Variants in C1QTNF5 observed in about 807,000 individuals in gnomAD.
The protein encoded by C1QTNF5 is C1q and TNF related 5, also known as complement C1q tumor necrosis factor-related protein 5.
In C1QTNF5, 5 loss-of-function variants were observed where a neutral mutation model predicts 10.9. The ratio of observed to expected loss-of-function variants is 0.46; its 90% confidence interval spans 0.24 to 0.97. The LOEUF is 0.97. Among genes scored for constraint, C1QTNF5 ranks in the 50% least tolerant of loss-of-function variants. C1QTNF5 has a pLI of 0.19. For missense variants in C1QTNF5, 281 were observed against 339.4 expected, an observed-to-expected ratio of 0.83 and a Z score of 1.35; for synonymous variants, 161 against 156.5, an observed-to-expected ratio of 1.03 and a Z score of -0.22.
At chr11:119,344,383 C>A, upstream of C1QTNF5, 1 of 1,613,830 alleles carries the variant, frequency 6.2e-7, no homozygotes, top group Non-Finnish European at 8.5e-7. Context: ...GTCAGATTCC[C>A]CCCACACCCT....
chr11:119,343,918 A>C, upstream of C1QTNF5: 1 of 1,613,374 alleles, frequency 6.2e-7, no homozygotes, highest in African/African-American at 1.3e-5. Context: ...GTGGAACTGT[A>C]GTTCTATGCT....
At chr11:119,341,314 G>A, upstream of C1QTNF5, 2 of 576,168 alleles carry the variant, frequency 3.5e-6, no homozygotes, top group African/African-American at 1.9e-5. Flanking sequence ...TCGATTGTCC[G>A]GTGGCACAGT....
upstream of C1QTNF5, chr11:119,343,693 C>G (rs992892799): frequency 1.6e-6 from 2 of 1,248,868 alleles, no homozygotes; most frequent in Admixed American, 3.4e-5. Context: ...GTGAAGAGAC[C>G]CCCGGCCTGG....
At position 119,339,839 on chromosome 11, in the gene C1QTNF5, C is replaced by T; in HGVS notation, c.224G>A (p.Gly75Glu). 6.7e-7 allele frequency: 1 copy of T among 1,493,458 alleles called. No homozygotes were observed. Among genetic ancestry groups the T allele is most frequent in the Non-Finnish European group, 8.9e-7 (1 of 1,129,114 alleles). 92.5% of individuals were successfully genotyped at this position (1,493,458 alleles called of 1,614,324 possible). Reference sequence around the variant, plus strand: ...TCGCGGCCCGGGGTCCCCTCGAGGTCCCGGCAGTCCTGCGGGGTAAGCGGG... The same window carrying T: ...TCGCGGCCCGGGGTCCCCTCGAGGTTCCGGCAGTCCTGCGGGGTAAGCGGG... ...KGEGGRPGLPGPRGDPGPRGE... is the reference protein window; with the variant it reads ...KGEGGRPGLPEPRGDPGPRGE... Residue 75 changes from glycine (G) to glutamate (E), a missense_variant, in exon 3 of 3, where the codon GGA becomes GAA. Gly to Glu is a moderately conservative substitution (Grantham distance 98). Transcript: ENST00000528368. This position sits in a 1 kb window ranked among gnomAD's most constrained non-coding sequence, Gnocchi z 5.4.
chr11:119,339,616 C>T lies in C1QTNF5; in HGVS notation c.447G>A (p.Gly149=). ...TGGCATGGACGGCGAAGTAGTAGAC[C>T]CCAGGCACCTGGCAGGTGAACTTGC... ...VTGKFTCQVP[G]VYYFAVHATV... Residue 149 remains glycine (G), a synonymous_variant, in exon 3 of 3, where the codon GGG becomes GGA. Coordinates refer to ENST00000528368, the MANE Select transcript of C1QTNF5 (RefSeq NM_001278431.2). This position sits in a 1 kb window ranked among gnomAD's most constrained non-coding sequence, Gnocchi z 5.4. The T allele has an allele frequency of 6.2e-7, 1 of 1,613,148 alleles. No individual in the cohort carries two copies. The highest frequency in any genetic ancestry group is 1.3e-5 in the African/African-American group (1 of 75,078).
At chr11:119,342,444 G>C, upstream of C1QTNF5, 1 of 953,602 alleles carries the variant, frequency 1.0e-6, no homozygotes, top group Admixed American at 2.5e-5. Context: ...TGTCTTCCAG[G>C]ACTCTGTGAA....
chr11:119,342,542 T>A, upstream of C1QTNF5: 1 of 1,605,524 alleles, frequency 6.2e-7, no homozygotes, highest in Non-Finnish European at 8.5e-7. Flanking sequence ...GGCAGTAGGG[T>A]TCTGTGAGGT....
At chr11:119,343,849 G>A (rs1021886344), upstream of C1QTNF5, 3 of 1,613,842 alleles carry the variant, frequency 1.9e-6, no homozygotes, top group Non-Finnish European at 2.5e-6. Context: ...TGAGCTGCTG[G>A]TCTCATACAC....
upstream of C1QTNF5, chr11:119,345,812 C>A (rs372413718): frequency 1.2e-6 from 2 of 1,613,792 alleles, no homozygotes; most frequent in African/African-American, 1.3e-5. Context: ...TCCTGCTGCC[C>A]TTTAGGGGTC....
chr11:119,340,258 G>T lies in C1QTNF5; in HGVS notation c.140C>A (p.Pro47Gln), dbSNP rs769828324. 1 of 1,519,436 alleles carries T rather than the reference G, an allele frequency of 6.6e-7. No homozygotes were observed. Among genetic ancestry groups the T allele is most frequent in the South Asian group, 1.2e-5 (1 of 80,988 alleles). The allele number at this position is 1,519,436 out of a possible 1,614,324, so 94.1% of individuals were successfully genotyped here. A position where few individuals can be genotyped will look rare whatever the true frequency, so the allele number is the denominator to read the frequency against. ...GCGGCCGTCGCGGCCATCGCGGCCCGGCAAGCCCTGGCTGCCATGGTGGCC... is the reference window on the plus strand; with the variant it reads ...GCGGCCGTCGCGGCCATCGCGGCCCTGCAAGCCCTGGCTGCCATGGTGGCC... ...TPGHHGSQGL[P>Q]GRDGRDGRDG... is the part of the protein sequence containing the mutation. The change falls in exon 2 of 3, where the codon CCG becomes CAG. Residue 47 changes from proline (P) to glutamine (Q), a missense_variant. Transcript: ENST00000528368.
rs751663826 is a variant in C1QTNF5, at chr11:119,339,346, G to T, written c.717C>A (p.Ser239=). The T allele has an allele frequency of 1.9e-6, 3 of 1,612,894 alleles. No homozygotes were observed. In the South Asian group the frequency reaches 3.3e-5, roughly 18 times the overall value. ...GCAGTGGGCACTAAGCAAAGACTGG[G>T]GAGCTGTGCCAGTCGGAGTACACCA... ...GFLVYSDWHS[S]PVFA is the part of the protein sequence containing the mutation. Residue 239 remains serine (S), a synonymous_variant, in exon 3 of 3, where the codon TCC becomes TCA. Transcript: ENST00000528368. The surrounding 1 kb of genome is among the most constrained non-coding windows in gnomAD (Gnocchi z 5.4).
At chr11:119,342,563 C>G, upstream of C1QTNF5, 1 of 1,611,350 alleles carries the variant, frequency 6.2e-7, no homozygotes, top group Non-Finnish European at 8.5e-7. Flanking sequence ...GGGCACCCAG[C>G]CTGCTCAGGG....
chr11:119,344,948 A>C, upstream of C1QTNF5: 1 of 1,610,254 alleles, frequency 6.2e-7, no homozygotes, highest in Non-Finnish European at 8.5e-7. Context: ...GACGAAGACC[A>C]CCAGGAGGTG....
the C1QTNF5 span, chr11:119,346,148 G>A: frequency 2.0e-5 from 32 of 1,593,618 alleles, no homozygotes; most frequent in Non-Finnish European, 2.6e-5. Flanking sequence ...CGTAGCCCTC[G>A]AGGACGCCGA....
At chr11:119,341,828 C>T, upstream of C1QTNF5, 2 of 1,607,370 alleles carry the variant, frequency 1.2e-6, no homozygotes, top group South Asian at 1.1e-5. Flanking sequence ...CCCTCCCAGG[C>T]CCGCCCTCCT....
upstream of C1QTNF5, chr11:119,344,930 C>T: frequency 6.2e-7 from 1 of 1,611,326 alleles, no homozygotes; most frequent in Non-Finnish European, 8.5e-7. Context: ...TTCCACACTG[C>T]TGTCAGAGAC....
At position 119,339,502 on chromosome 11, in the gene C1QTNF5, C is replaced by T; in HGVS notation, c.561G>A (p.Lys187=). ...SFFQFFGGWP[K]PASLSGGAMV... Reference sequence around the variant, plus strand: ...TGGCCCCCCCCGAGAGCGAGGCTGGCTTGGGCCACCCCCCGAAAAACTGGA... The same window carrying T: ...TGGCCCCCCCCGAGAGCGAGGCTGGTTTGGGCCACCCCCCGAAAAACTGGA... The change falls in exon 3 of 3, where the codon AAG becomes AAA. Residue 187 remains lysine, a synonymous_variant. Coordinates refer to ENST00000528368, the MANE Select transcript of C1QTNF5 (RefSeq NM_001278431.2). The surrounding 1 kb of genome is among the most constrained non-coding windows in gnomAD (Gnocchi z 5.4). The T allele has an allele frequency of 6.2e-7, 1 of 1,613,848 alleles. No homozygotes were observed. The highest frequency in any genetic ancestry group is 1.3e-5 in the African/African-American group (1 of 75,000).
upstream of C1QTNF5, chr11:119,345,114 A>T: frequency 7.0e-7 from 1 of 1,431,792 alleles, no homozygotes; most frequent in Non-Finnish European, 9.5e-7. Context: ...ACTGGTGACC[A>T]TGTGGTCAAA....
rs779621786 is a variant in C1QTNF5 at position 119,339,824 on chromosome 11, G to C, written c.239C>G (p.Pro80Arg). ...RPGLPGPRGD[P>R]GPRGEAGPAG... ...GGGTCCCGCCTCTCCTCGCGGCCCG[G>C]GGTCCCCTCGAGGTCCCGGCAGTCC... Residue 80 changes from proline to arginine, a missense_variant, in exon 3 of 3, where the codon CCC becomes CGC. By Grantham distance (103) the Pro-to-Arg change is moderately radical (BLOSUM62 -2). Transcript: ENST00000528368. The surrounding 1 kb of genome is among the most constrained non-coding windows in gnomAD (Gnocchi z 5.4). 1.8e-5 allele frequency: 27 copies of C among 1,512,454 alleles called. No individual in the cohort carries two copies. The highest frequency in any genetic ancestry group is 2.3e-5 in the Non-Finnish European group (26 of 1,137,006). The allele number at this position is 1,512,454 out of a possible 1,614,324, so 93.7% of individuals were successfully genotyped here.
Sources: allele counts gnomAD v4.1 joint callset, GRCh38; gene constraint gnomAD v4.1.1; non-coding constraint Gnocchi (gnomAD v3.1); transcripts MANE v1.5; gene names NCBI Gene and HGNC (gene_info 2026-07-23, HGNC 2026-07-21).